Variants in WDFY4 observed in about 807,000 individuals in gnomAD.
WDFY4 encodes WDFY family member 4.
A neutral mutation model predicts 351.9 loss-of-function variants in WDFY4; 169 were observed. The ratio of observed to expected loss-of-function variants is 0.48; its 90% CI spans 0.42 to 0.55. The LOEUF (loss-of-function observed/expected upper bound fraction) is 0.55. Ranked by LOEUF, WDFY4 falls within the 20% of genes least tolerant of loss-of-function variation. The pLI, the probability that WDFY4 is intolerant of heterozygous loss-of-function variation, is 0.00. For missense variants in WDFY4, 3,803 were observed against 3,935.6 expected, an observed-to-expected ratio of 0.97 and a Z score of 0.90; for synonymous variants, 1,622 against 1,574.6, an observed-to-expected ratio of 1.03 and a Z score of -0.71.
chr10:48,973,919 G>T (rs892943432), intron 57 of WDFY4, among the ~76,000 whole-genome samples: 5 of 152,174 alleles, frequency 3.3e-5, no homozygotes, highest in African/African-American at 1.2e-4. Flanking sequence ...GACTCGAAAA[G>T]CCCCATCTTT....
At chr10:48,788,078 A>G (rs1165132789) in intron 20 of WDFY4, among the ~76,000 whole-genome samples, 1 of 148,874 alleles carries the variant, frequency 6.7e-6, no homozygotes, top group Non-Finnish European at 1.5e-5. Context: ...CCCAGACTGG[A>G]GTGCAATGTC....
intron 35 of WDFY4, chr10:48,823,344 A>T (rs1460146589): frequency 2.4e-6 from 3 of 1,269,798 alleles, no homozygotes; most frequent in Non-Finnish European, 3.1e-6. Flanking sequence ...GCTGGGATCT[A>T]CCTCCAGCAA....
intron 47 of WDFY4, among the ~76,000 whole-genome samples, chr10:48,907,025 G>A (rs931877175): frequency 3.3e-5 from 5 of 152,118 alleles, no homozygotes; most frequent in Non-Finnish European, 7.4e-5. Context: ...GGTACCAAAG[G>A]TGGCAATTCC....
At chr10:48,814,779 AAAC>A (rs1440727934) in intron 31 of WDFY4, among the ~76,000 whole-genome samples, 1 of 152,224 alleles carries the variant, frequency 6.6e-6, no homozygotes, top group Admixed American at 6.5e-5. Context: ...AACAGAAAGT[AAAC>A]AACACCCACC....
At chr10:48,960,451 C>T (rs1841805962) in intron 53 of WDFY4, among the ~76,000 whole-genome samples, 1 of 152,210 alleles carries the variant, frequency 6.6e-6, no homozygotes, top group South Asian at 2.1e-4. Context: ...AACTGGAATG[C>T]ATGAGACATC....
At chr10:48,742,388 C>T (rs562857818) in intron 11 of WDFY4, among the ~76,000 whole-genome samples, 3 of 152,290 alleles carry the variant, frequency 2.0e-5, no homozygotes, top group South Asian at 2.1e-4. Flanking sequence ...CTAATATAAC[C>T]GATGAAGCCG....
intron 1 of WDFY4, among the ~76,000 whole-genome samples, chr10:48,695,108 T>C (rs889028866): frequency 2.0e-5 from 3 of 152,254 alleles, no homozygotes; most frequent in African/African-American, 7.2e-5. Context: ...GACAAATGAC[T>C]GACACTGAGT....
chr10:48,828,924 G>GTGT lies in WDFY4; in HGVS notation c.6340+28_6340+29insTGT, dbSNP rs764581750. On this transcript the variant is annotated intron_variant, in intron 37 of 61. Transcript: ENST00000325239. ...ACATTTTATTTGTCATTGTGTGTGT[G>GTGT]GGCGGGGGGGGGGCGGGGAGGGGGT... is the stretch of plus-strand genomic sequence containing the variant. The GTGT allele has an allele frequency of 9.0e-3, 2,891 of 320,014 alleles. 307 individuals carry two copies. The highest frequency in any genetic ancestry group is 0.085 in the African/African-American group (2,696 of 31,900). The allele number at this position is 320,014 out of a possible 1,614,324, so 19.8% of individuals were successfully genotyped here.
At chr10:48,941,352 G>A (rs1409342632) in intron 47 of WDFY4, among the ~76,000 whole-genome samples, 2 of 152,226 alleles carry the variant, frequency 1.3e-5, no homozygotes, top group Non-Finnish European at 2.9e-5. Flanking sequence ...AACATACACT[G>A]GAAACTGGTG....
intron 32 of WDFY4, among the ~76,000 whole-genome samples, chr10:48,817,801 G>A (rs772935402): frequency 1.3e-5 from 2 of 152,190 alleles, no homozygotes; most frequent in Non-Finnish European, 2.9e-5. Context: ...TTGCTCTTGG[G>A]AACCCTCATC....
chr10:48,820,472 G>A (rs961420991), intron 33 of WDFY4, 35 bp downstream of exon 33: 3 of 1,542,160 alleles, frequency 1.9e-6, no homozygotes, highest in African/African-American at 1.4e-5. Flanking sequence ...GCCATGTGCT[G>A]TGGAGGCTGC....
At chr10:48,729,673 G>C in intron 8 of WDFY4, 84 bp downstream of exon 8, 1 of 1,487,844 alleles carries the variant, frequency 6.7e-7, no homozygotes, top group Non-Finnish European at 9.0e-7. Context: ...CTGATTCTTT[G>C]TGTACCTTTC....
intron 39 of WDFY4, among the ~76,000 whole-genome samples, chr10:48,835,419 T>C (rs2068351312): frequency 6.6e-6 from 1 of 152,134 alleles, no homozygotes; most frequent in Non-Finnish European, 1.5e-5. Context: ...AGAGGACAGT[T>C]GGGCAATGGC....
chr10:48,713,090 C>T (rs941931173), intron 2 of WDFY4, among the ~76,000 whole-genome samples: 2 of 152,196 alleles, frequency 1.3e-5, no homozygotes, highest in South Asian at 2.1e-4. Flanking sequence ...CACTTCTGCT[C>T]GGAAAGGCCA....
At chr10:48,976,730 G>A (rs1206306694) in intron 58 of WDFY4, 67 bp from the exon 59 acceptor site, 2 of 1,286,790 alleles carry the variant, frequency 1.6e-6, no homozygotes, top group African/African-American at 1.5e-5. Flanking sequence ...CAACTGGGTA[G>A]CTGAGCAAGT....
chr10:48,941,367 T>G (rs1026894712), intron 47 of WDFY4, among the ~76,000 whole-genome samples: 2 of 152,242 alleles, frequency 1.3e-5, no homozygotes, highest in Non-Finnish European at 2.9e-5. Context: ...CTGGTGACTG[T>G]GGACCCTTCT....
intron 43 of WDFY4, chr10:48,883,963 G>A (rs1589809304): frequency 6.6e-6 from 1 of 152,220 alleles, no homozygotes; most frequent in African/African-American, 2.4e-5. Flanking sequence ...TGTTTGACTT[G>A]AGGAGTGACT....
intron 24 of WDFY4, among the ~76,000 whole-genome samples, chr10:48,802,216 A>T (rs1047089700): frequency 1.1e-4 from 16 of 152,110 alleles, no homozygotes; most frequent in African/African-American, 3.9e-4. Context: ...TCTACAAAAA[A>T]ATTTTAACAA....
intron 1 of WDFY4, among the ~76,000 whole-genome samples, chr10:48,704,792 C>T (rs970337341): frequency 6.6e-6 from 1 of 152,252 alleles, no homozygotes; most frequent in African/African-American, 2.4e-5. Context: ...GCTCCCACCT[C>T]AGTACCAGCT....
Sources: allele counts gnomAD v4.1 joint callset (sites outside exome capture counted in the v4.1 genomes callset), GRCh38; gene constraint gnomAD v4.1.1; transcripts MANE v1.5; gene names NCBI Gene and HGNC (gene_info 2026-07-23, HGNC 2026-07-21).